Variants in CDK14 observed in about 807,000 individuals in gnomAD.
CDK14 encodes the protein cyclin-dependent kinase 14.
Under a neutral mutation model 60.7 loss-of-function variants are expected in CDK14, and 34 were observed. That is an observed-to-expected ratio of 0.56 (90% CI 0.43 to 0.75). CDK14 has a LOEUF of 0.75. Ranked by LOEUF, CDK14 falls within the 30% of genes least tolerant of loss-of-function variation. CDK14 has a pLI of 0.00. For missense variants in CDK14, 482 were observed against 564.1 expected, an observed-to-expected ratio of 0.85 and a Z score of 1.47; for synonymous variants, 197 against 203.7, an observed-to-expected ratio of 0.97 and a Z score of 0.28.
At chr7:91,165,464 C>G (rs1477058859) in intron 14 of CDK14, among the ~76,000 whole-genome samples, 3 of 150,862 alleles carry the variant, frequency 2.0e-5, no homozygotes, top group Non-Finnish European at 4.4e-5. Flanking sequence ...CGTGGGGCCT[C>G]TGGTTCCCTT....
chr7:90,709,578 C>T (rs200101624), intron 2 of CDK14: 2 of 1,613,122 alleles, frequency 1.2e-6, no homozygotes, highest in Admixed American at 1.7e-5. Flanking sequence ...TGCTGCAGAG[C>T]CCGGTTACTC....
chr7:90,749,213 C>A (rs1803718595), intron 4 of CDK14, among the ~76,000 whole-genome samples: 1 of 152,098 alleles, frequency 6.6e-6, no homozygotes. Context: ...GATCTCCAGG[C>A]CTTTGGAGCA....
At chr7:90,697,735 A>G (rs1224194114) in intron 2 of CDK14, among the ~76,000 whole-genome samples, 5 of 152,198 alleles carry the variant, frequency 3.3e-5, no homozygotes, top group Non-Finnish European at 7.3e-5. Flanking sequence ...TAGTATTAAA[A>G]GAATCAAATA....
chr7:91,134,112 G>A (rs1249798644), intron 14 of CDK14, among the ~76,000 whole-genome samples: 1 of 152,094 alleles, frequency 6.6e-6, no homozygotes, highest in Admixed American at 6.6e-5. Context: ...CAAAAGGTGA[G>A]GGCTTTTTGT....
At chr7:90,901,691 C>T (rs11764604) in intron 7 of CDK14, among the ~76,000 whole-genome samples, 60 of 58,702 alleles carry the variant, frequency 1.0e-3, no homozygotes, top group East Asian at 8.6e-3. Flanking sequence ...TATATATATA[C>T]ACACACACAC....
chr7:90,941,846 A>C (rs1282728991), intron 8 of CDK14, among the ~76,000 whole-genome samples: 1 of 152,066 alleles, frequency 6.6e-6, no homozygotes, highest in Admixed American at 6.5e-5. Flanking sequence ...ATTCCTTTTC[A>C]TGCCACCATA....
chr7:90,917,270 A>G (rs1390579952), intron 7 of CDK14, among the ~76,000 whole-genome samples: 1 of 152,248 alleles, frequency 6.6e-6, no homozygotes, highest in East Asian at 1.9e-4. Flanking sequence ...CCTTTCAAAC[A>G]TCATTTTAGT....
intron 11 of CDK14, among the ~76,000 whole-genome samples, chr7:91,068,416 T>C (rs574104136): frequency 6.6e-6 from 1 of 152,340 alleles, no homozygotes; most frequent in Admixed American, 6.5e-5. Flanking sequence ...CCCTGTTTGA[T>C]TGATAACTCC....
chr7:90,654,384 G>A (rs935382094), intron 2 of CDK14, among the ~76,000 whole-genome samples: 1 of 152,180 alleles, frequency 6.6e-6, no homozygotes, highest in Non-Finnish European at 1.5e-5. Flanking sequence ...TCACAAATCA[G>A]TTGCTAATTC....
chr7:90,862,230 A>C (rs1011698130), intron 5 of CDK14, among the ~76,000 whole-genome samples: 1 of 152,176 alleles, frequency 6.6e-6, no homozygotes, highest in Non-Finnish European at 1.5e-5. Context: ...TAAACATCAA[A>C]ATGAAAAGTC....
intron 2 of CDK14, among the ~76,000 whole-genome samples, chr7:90,707,779 T>C (rs1801932188): frequency 6.6e-6 from 1 of 152,146 alleles, no homozygotes; most frequent in Admixed American, 6.5e-5. Flanking sequence ...AGCTTTACGT[T>C]ACCTCCTCTG....
At chr7:90,779,718 A>G (rs987156201) in intron 4 of CDK14, among the ~76,000 whole-genome samples, 5 of 152,214 alleles carry the variant, frequency 3.3e-5, no homozygotes, top group South Asian at 2.1e-4. Context: ...AATTATTTTG[A>G]AAGAAAACCC....
intron 9 of CDK14, among the ~76,000 whole-genome samples, chr7:90,961,758 A>C (rs1794609571): frequency 6.6e-6 from 1 of 152,228 alleles, no homozygotes; most frequent in Non-Finnish European, 1.5e-5. Context: ...AAGGGCATCC[A>C]GGAGATTGAA....
At chr7:90,607,851 C>T (rs1195157190) in intron 2 of CDK14, among the ~76,000 whole-genome samples, 2 of 152,326 alleles carry the variant, frequency 1.3e-5, no homozygotes, top group East Asian at 3.9e-4. Context: ...TAAATCTACA[C>T]ATTTTACTTG....
intron 10 of CDK14, among the ~76,000 whole-genome samples, chr7:91,024,189 T>A (rs1796510386): frequency 6.6e-6 from 1 of 152,192 alleles, no homozygotes; most frequent in Admixed American, 6.5e-5. Context: ...TGCCACTATA[T>A]GTTATAATGG....
intron 4 of CDK14, among the ~76,000 whole-genome samples, chr7:90,766,520 T>A (rs1418535109): frequency 6.6e-6 from 1 of 152,230 alleles, no homozygotes; most frequent in African/African-American, 2.4e-5. Context: ...GTAATTTGCC[T>A]ACAATCACAC....
At chr7:90,998,764 C>G (rs1795757131) in intron 10 of CDK14, among the ~76,000 whole-genome samples, 2 of 152,156 alleles carry the variant, frequency 1.3e-5, no homozygotes, top group Admixed American at 6.5e-5. Flanking sequence ...TTGCAGGCAC[C>G]TGTAGTCCCA....
intron 12 of CDK14, among the ~76,000 whole-genome samples, chr7:91,091,787 G>A (rs1019300330): frequency 7.7e-6 from 1 of 129,380 alleles, no homozygotes; most frequent in South Asian, 2.6e-4. Context: ...AAGCTCCCAA[G>A]TAATCAGATG....
At chr7:91,130,976 G>C (rs368861140) in intron 14 of CDK14, among the ~76,000 whole-genome samples, 2 of 152,056 alleles carry the variant, frequency 1.3e-5, no homozygotes, top group African/African-American at 4.8e-5. Flanking sequence ...TTTTCCCGCC[G>C]AGCTCCCATG....
Sources: allele counts gnomAD v4.1 joint callset (sites outside exome capture counted in the v4.1 genomes callset), GRCh38; gene constraint gnomAD v4.1.1; transcripts MANE v1.5; gene names NCBI Gene and HGNC (gene_info 2026-07-23, HGNC 2026-07-21).